Variants in SND1 observed in about 807,000 individuals in gnomAD.
SND1 encodes staphylococcal nuclease and tudor domain containing 1.
In SND1, 38 loss-of-function variants were observed where a neutral mutation model predicts 121.7. The observed-to-expected ratio is 0.31, with a 90% confidence interval of 0.24 to 0.41. The LOEUF (loss-of-function observed/expected upper bound fraction) is 0.41. SND1 is among the 10% of genes least tolerant of loss of function. SND1 has a pLI of 1.00. For synonymous variants in SND1, 401 were observed against 447.4 expected, an observed-to-expected ratio of 0.90 and a Z score of 1.31; for missense variants, 868 against 1,184.6, an observed-to-expected ratio of 0.73 and a Z score of 3.92.
At chr7:128,005,054 G>C (rs1440592258) in intron 16 of SND1, among the ~76,000 whole-genome samples, 3 of 152,248 alleles carry the variant, frequency 2.0e-5, no homozygotes, top group East Asian at 1.9e-4. Flanking sequence ...TATAGCTAGA[G>C]ATTGCCCTTG....
intron 15 of SND1, among the ~76,000 whole-genome samples, chr7:127,987,372 T>C (rs1332144092): frequency 6.6e-6 from 1 of 152,190 alleles, no homozygotes; most frequent in East Asian, 1.9e-4. Flanking sequence ...AGGTGCAGCA[T>C]GGATTAGGTT....
chr7:128,072,535 C>G (rs1429173302), intron 16 of SND1, among the ~76,000 whole-genome samples: 1 of 152,204 alleles, frequency 6.6e-6, no homozygotes, highest in Non-Finnish European at 1.5e-5. Context: ...TTCAGCTTCC[C>G]CAGAATTCCT....
chr7:128,048,875 T>G (rs1255622827), intron 16 of SND1, among the ~76,000 whole-genome samples: 1 of 152,322 alleles, frequency 6.6e-6, no homozygotes, highest in African/African-American at 2.4e-5. Flanking sequence ...CAGTGCACTT[T>G]CAGTGAGTAG....
chr7:127,982,317 C>G (rs893746157), intron 15 of SND1, among the ~76,000 whole-genome samples: 2 of 152,154 alleles, frequency 1.3e-5, no homozygotes, highest in South Asian at 4.1e-4. Flanking sequence ...TTACAAAATC[C>G]GAACAACCTA....
intron 10 of SND1, among the ~76,000 whole-genome samples, chr7:127,737,395 C>T (rs1254656708): frequency 6.6e-6 from 1 of 152,160 alleles, no homozygotes; most frequent in African/African-American, 2.4e-5. Context: ...GCCAACATGG[C>T]GAAACGCCAT....
At chr7:127,843,622 A>T (rs1282166069) in intron 11 of SND1, among the ~76,000 whole-genome samples, 1 of 152,148 alleles carries the variant, frequency 6.6e-6, no homozygotes, top group African/African-American at 2.4e-5. Context: ...GATATACCAC[A>T]ATTTATCCAT....
intron 16 of SND1, among the ~76,000 whole-genome samples, chr7:128,023,256 C>T (rs1055532753): frequency 1.3e-5 from 2 of 152,168 alleles, no homozygotes; most frequent in African/African-American, 2.4e-5. Context: ...GAAGCCCCAC[C>T]GGCCCTTTCA....
At chr7:127,738,815 G>A (rs1796825729) in intron 10 of SND1, among the ~76,000 whole-genome samples, 1 of 152,092 alleles carries the variant, frequency 6.6e-6, no homozygotes, top group African/African-American at 2.4e-5. Flanking sequence ...GCTTGCTTTA[G>A]GGGGTCACCC....
Position 128,074,647 on chromosome 7 carries a change from C to T in SND1, c.1925C>T (p.Ser642Phe). 6.2e-7 allele frequency: 1 copy of T among 1,613,776 alleles called. No homozygotes were observed. The highest frequency in any genetic ancestry group is 8.5e-7 in the Non-Finnish European group (1 of 1,179,940). Residue 642 changes from serine to phenylalanine, a missense_variant, in exon 17 of 24, where the codon TCC becomes TTC. By Grantham distance (155) the Ser-to-Phe change is radical. Transcript: ENST00000354725. ...GCCGAACGCAGCTCCTACTACAAGT[C>T]CCTGCTGTCTGCCGAGGAGGCCGCA... The part of the protein sequence containing the change: ...FTAERSSYYK[S>F]LLSAEEAAKQ...
chr7:127,859,122 A>T (rs921875265), intron 12 of SND1, among the ~76,000 whole-genome samples: 1 of 151,926 alleles, frequency 6.6e-6, no homozygotes, highest in Non-Finnish European at 1.5e-5. Flanking sequence ...ATGTGTTTGC[A>T]TGGGGGGGTG....
intron 9 of SND1, among the ~76,000 whole-genome samples, chr7:127,715,446 A>G (rs1796370035): frequency 6.6e-6 from 1 of 152,076 alleles, no homozygotes; most frequent in Admixed American, 6.5e-5. Context: ...CCCAATAGGA[A>G]GTTTTTCAGC....
intron 10 of SND1, among the ~76,000 whole-genome samples, chr7:127,733,731 A>G (rs1029053547): frequency 6.6e-6 from 1 of 152,156 alleles, no homozygotes; most frequent in East Asian, 1.9e-4. Context: ...TGTTGATGCC[A>G]TATATTTTGA....
intron 1 of SND1, among the ~76,000 whole-genome samples, chr7:127,658,269 C>T (rs544587913): frequency 6.6e-6 from 1 of 152,086 alleles, no homozygotes; most frequent in Admixed American, 6.6e-5. Flanking sequence ...GAACTGAGAT[C>T]GAGCCATTGC....
intron 10 of SND1, among the ~76,000 whole-genome samples, chr7:127,732,096 G>A (rs1266075521): frequency 1.3e-5 from 2 of 151,012 alleles, no homozygotes; most frequent in Admixed American, 6.6e-5. Flanking sequence ...TGGAGACTTC[G>A]GCCCTTTTGG....
chr7:127,922,175 C>CTTTTTTTTTTTTTTTTTTTTTTT (rs1158535023), intron 14 of SND1, among the ~76,000 whole-genome samples: 27 of 57,186 alleles, frequency 4.7e-4, no homozygotes, highest in East Asian at 8.7e-4. Flanking sequence ...TTTTTCTTTC[C>CTTTTTTTTTTTTTTTTTTTTTTT]TTTTTTTTTT....
chr7:128,078,117 G>A (rs1303780827), intron 17 of SND1, among the ~76,000 whole-genome samples: 1 of 152,178 alleles, frequency 6.6e-6, no homozygotes, highest in Non-Finnish European at 1.5e-5. Context: ...CTCTGCAGAA[G>A]GGCAGCCTGA....
intron 16 of SND1, chr7:128,028,794 G>A (rs1792479743): frequency 1.2e-6 from 2 of 1,614,132 alleles, no homozygotes; most frequent in Non-Finnish European, 1.7e-6. Context: ...TGTCCAGTGG[G>A]CCCCATGTGC....
intron 12 of SND1, among the ~76,000 whole-genome samples, chr7:127,860,638 A>C (rs1158088893): frequency 1.3e-5 from 2 of 152,182 alleles, no homozygotes; most frequent in African/African-American, 4.8e-5. Flanking sequence ...TTTCAAATTC[A>C]TCGATTTTAT....
chr7:127,928,886 T>C (rs1322658702), intron 14 of SND1, among the ~76,000 whole-genome samples: 1 of 152,204 alleles, frequency 6.6e-6, no homozygotes, highest in East Asian at 1.9e-4. Flanking sequence ...CCACTGCGCC[T>C]GGCACCTCAA....
Sources: gnomAD v4.1 joint callset for allele counts (sites outside exome capture counted in the v4.1 genomes callset) on GRCh38, gnomAD v4.1.1 for gene constraint, MANE v1.5 for transcripts, NCBI Gene and HGNC (gene_info 2026-07-23, HGNC 2026-07-21) for gene names.